TRABD2B: variants seen among roughly 807,000 people sequenced by gnomAD.
TRABD2B encodes the protein metalloprotease TIKI2.
A neutral mutation model predicts 40.1 loss-of-function variants in TRABD2B; 14 were observed. The ratio of observed to expected loss-of-function variants is 0.35; its 90% CI spans 0.23 to 0.55. The LOEUF is 0.55. Among genes scored for constraint, TRABD2B ranks in the 20% least tolerant of loss-of-function variants. TRABD2B has a pLI of 0.90. For synonymous variants in TRABD2B, 263 were observed against 277.0 expected, an observed-to-expected ratio of 0.95 and a Z score of 0.50; for missense variants, 541 against 648.6, an observed-to-expected ratio of 0.83 and a Z score of 1.80.
At chr1:47,918,456 A>G (rs1330212568) in intron 2 of TRABD2B, among the ~76,000 whole-genome samples, 1 of 152,202 alleles carries the variant, frequency 6.6e-6, no homozygotes, top group Non-Finnish European at 1.5e-5. Flanking sequence ...GGACCTGTCC[A>G]AGATCACATA....
chr1:47,889,934 T>C (rs1422908161), intron 2 of TRABD2B, among the ~76,000 whole-genome samples: 1 of 152,260 alleles, frequency 6.6e-6, no homozygotes, highest in Non-Finnish European at 1.5e-5. Context: ...GTGTCTCATC[T>C]AGAGGAAGCC....
At chr1:47,822,282 C>T (rs561215184) in intron 2 of TRABD2B, among the ~76,000 whole-genome samples, 4 of 152,290 alleles carry the variant, frequency 2.6e-5, no homozygotes, top group South Asian at 2.1e-4. Context: ...GGCTCACTGT[C>T]GGGAAAGAAC....
At chr1:47,924,019 G>A (rs1385153915) in intron 2 of TRABD2B, among the ~76,000 whole-genome samples, 1 of 151,590 alleles carries the variant, frequency 6.6e-6, no homozygotes, top group Non-Finnish European at 1.5e-5. Flanking sequence ...AAAGTGGCCT[G>A]AGATTTATGG....
chr1:47,962,955 C>T (rs560304811), intron 2 of TRABD2B, among the ~76,000 whole-genome samples: 4 of 152,284 alleles, frequency 2.6e-5, no homozygotes, highest in East Asian at 1.9e-4. Flanking sequence ...CCTGCTGCCC[C>T]GCCGTGAAAC....
chr1:47,919,288 C>T lies in TRABD2B; in HGVS notation c.666+74746G>A, dbSNP rs548123019. Reference sequence around the variant, plus strand: ...ATGGAGTAAGTGGTGGCTGGCTGGGCCAGTGAATGAACTGCATGCGCTCAG... The same window carrying T: ...ATGGAGTAAGTGGTGGCTGGCTGGGTCAGTGAATGAACTGCATGCGCTCAG... On this transcript the variant is annotated intron_variant, in intron 2 of 6. Coordinates refer to ENST00000606738, the MANE Select transcript of TRABD2B (RefSeq NM_001194986.2). Among the ~76,000 whole-genome samples the T allele has an allele frequency of 2.0e-5, 3 of 152,320 alleles. No homozygotes were observed. In the South Asian group the frequency reaches 6.2e-4, roughly 32 times the overall value.
At chr1:47,917,352 C>T (rs532477370) in intron 2 of TRABD2B, among the ~76,000 whole-genome samples, 5 of 152,248 alleles carry the variant, frequency 3.3e-5, no homozygotes, top group South Asian at 2.1e-4. Context: ...GATGGGTGGG[C>T]GTCAGGCAGC....
At chr1:47,892,552 A>C (rs928727210) in intron 2 of TRABD2B, among the ~76,000 whole-genome samples, 1 of 152,218 alleles carries the variant, frequency 6.6e-6, no homozygotes, top group South Asian at 2.1e-4. Context: ...TAAGTACAGA[A>C]AGAAGAGGAC....
intron 6 of TRABD2B, among the ~76,000 whole-genome samples, chr1:47,774,895 A>G (rs939714129): frequency 6.6e-6 from 1 of 152,264 alleles, no homozygotes. Context: ...TGTCCCAGGA[A>G]AGCTGAGTGC....
intron 3 of TRABD2B, among the ~76,000 whole-genome samples, chr1:47,796,214 G>A (rs1369614126): frequency 6.6e-6 from 1 of 152,182 alleles, no homozygotes. Context: ...CAGGGAATCA[G>A]AATATACTCT....
chr1:47,785,089 G>A (rs768248542), intron 4 of TRABD2B, among the ~76,000 whole-genome samples: 4 of 152,160 alleles, frequency 2.6e-5, no homozygotes, highest in African/African-American at 4.8e-5. Flanking sequence ...ACGGAGGGGA[G>A]AGGTGGTGTG....
At chr1:47,778,295 G>C (rs1315477155) in intron 5 of TRABD2B, among the ~76,000 whole-genome samples, 159 bp downstream of exon 5, 2 of 152,190 alleles carry the variant, frequency 1.3e-5, no homozygotes, top group African/African-American at 4.8e-5. Flanking sequence ...CGGCTCACCA[G>C]CTCCTTCCCA....
chr1:47,985,980 G>A (rs535308045), intron 2 of TRABD2B, among the ~76,000 whole-genome samples: 1 of 152,302 alleles, frequency 6.6e-6, no homozygotes, highest in East Asian at 1.9e-4. Context: ...GAGTATATGT[G>A]AGAGGGAGGG....
chr1:47,829,062 T>C (rs1284748633), intron 2 of TRABD2B, among the ~76,000 whole-genome samples: 5 of 152,198 alleles, frequency 3.3e-5, no homozygotes, highest in Non-Finnish European at 7.4e-5. Flanking sequence ...GGGTCATTAC[T>C]GCTGAGGAAA....
At chr1:47,885,372 C>G (rs1644357088) in intron 2 of TRABD2B, among the ~76,000 whole-genome samples, 1 of 152,170 alleles carries the variant, frequency 6.6e-6, no homozygotes, top group Non-Finnish European at 1.5e-5. Context: ...TGTGGACCGT[C>G]TTATTTACTT....
intron 2 of TRABD2B, among the ~76,000 whole-genome samples, chr1:47,959,569 T>C (rs910802328): frequency 6.6e-6 from 1 of 152,198 alleles, no homozygotes; most frequent in Non-Finnish European, 1.5e-5. Context: ...CATCAGAGAA[T>C]ACTTTTATAA....
At chr1:47,877,819 C>T (rs540405525) in intron 2 of TRABD2B, among the ~76,000 whole-genome samples, 2 of 152,064 alleles carry the variant, frequency 1.3e-5, no homozygotes, top group East Asian at 3.9e-4. Flanking sequence ...ATGTTGAAAC[C>T]CTGTCTCTAA....
At chr1:47,964,895 G>A (rs1570380255) in intron 2 of TRABD2B, among the ~76,000 whole-genome samples, 1 of 151,952 alleles carries the variant, frequency 6.6e-6, no homozygotes, top group East Asian at 1.9e-4. Context: ...GGAAGGATGC[G>A]GCCCCCACTT....
chr1:47,956,170 T>C (rs1645418588), intron 2 of TRABD2B, among the ~76,000 whole-genome samples: 1 of 152,100 alleles, frequency 6.6e-6, no homozygotes, highest in South Asian at 2.1e-4. Flanking sequence ...TCTACCACCA[T>C]AGAAACCCAC....
chr1:47,882,106 G>T (rs370063116), intron 2 of TRABD2B, among the ~76,000 whole-genome samples: 1 of 152,246 alleles, frequency 6.6e-6, no homozygotes, highest in South Asian at 2.1e-4. Context: ...GGCAGGCTGC[G>T]CTGCTGGGGG....
Sources: allele counts gnomAD v4.1 joint callset (sites outside exome capture counted in the v4.1 genomes callset), GRCh38; gene constraint gnomAD v4.1.1; transcripts MANE v1.5; gene names NCBI Gene and HGNC (gene_info 2026-07-23, HGNC 2026-07-21).